TMEM135: variants seen among roughly 807,000 people sequenced by gnomAD.
TMEM135 encodes the protein peroxisomal membrane protein 52.
Under a neutral mutation model 60.3 loss-of-function variants are expected in TMEM135, and 30 were observed. The observed-to-expected ratio is 0.50, with a 90% CI of 0.37 to 0.68. The LOEUF (loss-of-function observed/expected upper bound fraction) is 0.68, where lower values mean the gene tolerates loss of function less well. Ranked by LOEUF, TMEM135 falls within the 30% of genes least tolerant of loss-of-function variation. TMEM135 has a pLI of 0.00. For synonymous variants in TMEM135, 190 were observed against 186.7 expected, an observed-to-expected ratio of 1.02 and a Z score of -0.14; for missense variants, 468 against 548.8, an observed-to-expected ratio of 0.85 and a Z score of 1.47.
chr11:87,286,273 T>G (rs942660987), intron 6 of TMEM135, among the ~76,000 whole-genome samples: 17 of 136,486 alleles, frequency 1.2e-4, no homozygotes, highest in Admixed American at 4.3e-4. Flanking sequence ...TATTGGTGTA[T>G]TTACGATCCT....
At chr11:87,183,984 A>G (rs916653993) in intron 5 of TMEM135, among the ~76,000 whole-genome samples, 2 of 147,834 alleles carry the variant, frequency 1.4e-5, no homozygotes, top group Non-Finnish European at 3.0e-5. Flanking sequence ...AAAAAATCCG[A>G]GAGTTAAACG....
intron 4 of TMEM135, among the ~76,000 whole-genome samples, chr11:87,136,276 T>C (rs181678106): frequency 6.6e-6 from 1 of 152,064 alleles, no homozygotes; most frequent in East Asian, 1.9e-4. Context: ...TCTATAGAGA[T>C]GAACATGTGC....
At chr11:87,268,311 T>G (rs1941794593) in intron 6 of TMEM135, among the ~76,000 whole-genome samples, 1 of 150,884 alleles carries the variant, frequency 6.6e-6, no homozygotes, top group Admixed American at 6.6e-5. Flanking sequence ...AGACGGGGTC[T>G]CCCTATGTTT....
intron 6 of TMEM135, among the ~76,000 whole-genome samples, chr11:87,244,764 G>T (rs1941220728): frequency 1.4e-5 from 2 of 147,910 alleles, no homozygotes; most frequent in South Asian, 4.5e-4. Context: ...AGTCTTGCTA[G>T]CGGTCTATCA....
At chr11:87,143,285 T>C (rs2135248259) in intron 4 of TMEM135, among the ~76,000 whole-genome samples, 1 of 152,226 alleles carries the variant, frequency 6.6e-6, no homozygotes, top group Admixed American at 6.5e-5. Flanking sequence ...ATAAAAGCTA[T>C]TTTGACATCT....
At chr11:87,292,557 A>G (rs1202998078) in intron 6 of TMEM135, among the ~76,000 whole-genome samples, 1 of 152,206 alleles carries the variant, frequency 6.6e-6, no homozygotes, top group Non-Finnish European at 1.5e-5. Context: ...TGTATTTTCA[A>G]CATTGAACAC....
chr11:87,268,626 G>A (rs1188119475), intron 6 of TMEM135, among the ~76,000 whole-genome samples: 1 of 152,006 alleles, frequency 6.6e-6, no homozygotes, highest in Non-Finnish European at 1.5e-5. Flanking sequence ...AACATTGAAT[G>A]GATGCTCATA....
intron 5 of TMEM135, among the ~76,000 whole-genome samples, chr11:87,159,645 A>T (rs1419202334): frequency 1.4e-5 from 2 of 138,632 alleles, no homozygotes. Flanking sequence ...CGGTTGGCTA[A>T]ATGCTATGGA....
At chr11:87,040,162 G>C (rs1949738395) in intron 1 of TMEM135, among the ~76,000 whole-genome samples, 2 of 152,146 alleles carry the variant, frequency 1.3e-5, no homozygotes, top group Admixed American at 6.5e-5. Flanking sequence ...TGAAATGGAA[G>C]AAAATAAAAA....
intron 5 of TMEM135, among the ~76,000 whole-genome samples, chr11:87,176,977 C>A (rs17149789): frequency 0.066 from 10,101 of 152,208 alleles, 356 homozygotes; most frequent in African/African-American, 0.086. Context: ...GAGTGCAAAT[C>A]TGGCTTTAAT....
chr11:87,321,493 C>T lies in TMEM135; in HGVS notation c.*160C>T. On this transcript the variant is annotated 3_prime_UTR_variant, in exon 15 of 15. Transcript: ENST00000305494. ...TTCTTATGAATCAGAAATTCAGAAG[C>T]TTTTTAGGAAGATGTTGCTTAATAA... 1.2e-6 allele frequency: 1 copy of T among 829,462 alleles called. No homozygotes were observed. Among genetic ancestry groups the T allele is most frequent in the Non-Finnish European group, 2.0e-6 (1 of 501,056 alleles). The allele number at this position is 829,462 out of a possible 1,614,324, so 51.4% of individuals were successfully genotyped here.
At chr11:87,150,431 C>T (rs1938529877) in intron 4 of TMEM135, among the ~76,000 whole-genome samples, 1 of 152,074 alleles carries the variant, frequency 6.6e-6, no homozygotes, top group Non-Finnish European at 1.5e-5. Flanking sequence ...TACTGACTTC[C>T]TACTACAGAA....
chr11:87,273,525 A>G (rs1941910495), intron 6 of TMEM135, among the ~76,000 whole-genome samples: 1 of 152,264 alleles, frequency 6.6e-6, no homozygotes, highest in East Asian at 1.9e-4. Flanking sequence ...AACATATTGT[A>G]TTGCTCACAA....
At chr11:87,245,463 C>T (rs201642301) in intron 6 of TMEM135, among the ~76,000 whole-genome samples, 60,059 of 102,474 alleles carry the variant, frequency 0.59, 19,049 homozygotes, top group Non-Finnish European at 0.66. Context: ...TTAAAGTCTC[C>T]CATTATTATT....
chr11:87,064,588 A>G (rs1856610303), intron 1 of TMEM135, among the ~76,000 whole-genome samples: 2 of 152,132 alleles, frequency 1.3e-5, no homozygotes, highest in South Asian at 2.1e-4. Flanking sequence ...TGTCATTTTA[A>G]GAATGTTATA....
chr11:87,269,193 C>T (rs1486693553), intron 6 of TMEM135, among the ~76,000 whole-genome samples: 1 of 150,548 alleles, frequency 6.6e-6, no homozygotes, highest in Non-Finnish European at 1.5e-5. Flanking sequence ...GAGTTTCCCC[C>T]CTACTACACA....
At chr11:87,126,627 G>T (rs980348853) in intron 4 of TMEM135, among the ~76,000 whole-genome samples, 1 of 151,220 alleles carries the variant, frequency 6.6e-6, no homozygotes, top group Non-Finnish European at 1.5e-5. Context: ...GTACATACTT[G>T]CAGGAGAAAA....
At chr11:87,236,822 G>A (rs571161637) in intron 6 of TMEM135, 138 bp downstream of exon 6, 5 of 765,982 alleles carry the variant, frequency 6.5e-6, no homozygotes, top group Admixed American at 6.5e-5. Flanking sequence ...CGCCCAGAGT[G>A]GACAGAGGTA....
At chr11:87,176,503 T>A (rs554525828) in intron 5 of TMEM135, among the ~76,000 whole-genome samples, 2 of 152,282 alleles carry the variant, frequency 1.3e-5, no homozygotes, top group East Asian at 3.9e-4. Context: ...TGCTATATAA[T>A]GGCAAGTATT....
Sources: gnomAD v4.1 joint callset for allele counts (sites outside exome capture counted in the v4.1 genomes callset) on GRCh38, gnomAD v4.1.1 for gene constraint, MANE v1.5 for transcripts, NCBI Gene and HGNC (gene_info 2026-07-23, HGNC 2026-07-21) for gene names.